Variants in HUWE1 observed in about 807,000 individuals in gnomAD.
HUWE1 encodes the protein E3 ubiquitin-protein ligase HUWE1.
In HUWE1, 18 loss-of-function variants were observed where a neutral mutation model predicts 299.4. The observed-to-expected ratio is 0.06, with a 90% CI of 0.04 to 0.09. The LOEUF is 0.09. Among genes scored for constraint, HUWE1 ranks in the 10% least tolerant of loss-of-function variants. The pLI is 1.00. For missense variants in HUWE1, 1,832 were observed against 3,462.3 expected (o/e 0.53, Z 11.82); for synonymous variants, 1,317 against 1,286.1 (o/e 1.02, Z -0.51).
chrX:53,574,228 T>C (rs184846404), intron 46 of HUWE1, among the ~76,000 whole-genome samples: 2 of 112,243 alleles, frequency 1.8e-5, no homozygotes, highest in East Asian at 5.6e-4. Flanking sequence ...AGAAACACTC[T>C]ACTAACAGTT....
chrX:53,663,560 T>C (rs781933747), intron 3 of HUWE1, among the ~76,000 whole-genome samples: 2 of 110,782 alleles, frequency 1.8e-5, no homozygotes, highest in African/African-American at 6.6e-5. Context: ...CAGAGAATTA[T>C]GGGGTCACTG....
chrX:53,535,729 G>C (rs782706907), intron 80 of HUWE1, among the ~76,000 whole-genome samples: 50 of 111,431 alleles, frequency 4.5e-4, no homozygotes, highest in Non-Finnish European at 7.9e-4. Flanking sequence ...CTACAAAAAA[G>C]GCAGAAGAGA....
Position 53,639,591 on chromosome X carries a change from C to T in HUWE1, c.505-5293G>A, listed in dbSNP as rs1337017386. On this transcript the variant is annotated intron_variant, in intron 7 of 83. Coordinates refer to ENST00000262854, the MANE Select transcript of HUWE1 (RefSeq NM_031407.7). Reference sequence around the variant, plus strand: ...AACTGAAGGACAAAAACACCCTCAACAGTCAATATAATATGAAGATAATAT... The same window carrying T: ...AACTGAAGGACAAAAACACCCTCAATAGTCAATATAATATGAAGATAATAT... Among the ~76,000 whole-genome samples the T allele has an allele frequency of 6.3e-5, 7 of 111,810 alleles. No individual in the cohort carries two copies. The South Asian group carries it at 1.5e-3, about 24-fold the overall frequency.
At chrX:53,639,508 T>A (rs1367932282) in intron 7 of HUWE1, among the ~76,000 whole-genome samples, 1 of 111,720 alleles carries the variant, frequency 9.0e-6, no homozygotes, top group African/African-American at 3.3e-5. Flanking sequence ...GACTTTAAAG[T>A]GATTTTTGAA....
chrX:53,623,566 T>C (rs1171870125), intron 19 of HUWE1, among the ~76,000 whole-genome samples: 1 of 111,360 alleles, frequency 9.0e-6, no homozygotes, highest in African/African-American at 3.3e-5. Flanking sequence ...CTTTTCCCTC[T>C]AAATTCAGGA....
In HUWE1 at chrX:53,549,074, C is replaced by G. The variant is rs148122817; in HGVS notation, c.9920G>C (p.Gly3307Ala). Reference sequence around the variant, plus strand: ...ATGCTTCTCGGTATGTTTACGCCCCCCTGAACGCTGGATCTGAAATATATT... The same window carrying G: ...ATGCTTCTCGGTATGTTTACGCCCCGCTGAACGCTGGATCTGAAATATATT... The part of the protein sequence containing the change: ...RTNIFQIQRS[G>A]GRKHTEKHAS... Residue 3307 changes from glycine to alanine, a missense_variant, in exon 67 of 84, where the codon GGG (glycine) becomes GCG (alanine). Gly to Ala is a moderately conservative substitution (Grantham distance 60, BLOSUM62 0). Transcript: ENST00000262854. 37 of 1,209,810 alleles carry G rather than the reference C, an allele frequency of 3.1e-5. No individual in the cohort carries two copies. The African/African-American group carries it at 4.0e-4, about 13-fold the overall frequency.
intron 6 of HUWE1, 69 bp downstream of exon 6, chrX:53,647,299 A>G (rs2068120320): frequency 1.3e-6 from 1 of 748,434 alleles, no homozygotes; most frequent in Non-Finnish European, 2.1e-6. Flanking sequence ...TAGAAATAGC[A>G]ATTTCCTTAT....
chrX:53,683,306 A>G (rs1175280998), intron 2 of HUWE1, among the ~76,000 whole-genome samples: 1 of 111,078 alleles, frequency 9.0e-6, no homozygotes, highest in African/African-American at 3.3e-5. Context: ...TACACCAGTG[A>G]CACTACTGCT....
intron 28 of HUWE1, among the ~76,000 whole-genome samples, 182 bp downstream of exon 28, chrX:53,602,382 C>T (rs1432934213): frequency 1.8e-4 from 19 of 103,231 alleles, no homozygotes; most frequent in African/African-American, 6.8e-4. Flanking sequence ...CTTTCAACTA[C>T]ATTTTCTAAA....
chrX:53,586,720 T>G, intron 38 of HUWE1, 62 bp downstream of exon 38: 1 of 1,195,827 alleles, frequency 8.4e-7, no homozygotes, highest in Non-Finnish European at 1.1e-6. Flanking sequence ...GAAGAGTGCC[T>G]GATTCAGGCC....
rs1556957375 is a variant in HUWE1, at chrX:53,575,232, A to G, written c.6031-11T>C. 8.5e-7 allele frequency: 1 copy of G among 1,177,120 alleles called. No homozygotes were observed. The highest frequency in any genetic ancestry group is 1.2e-6 in the Non-Finnish European group (1 of 865,541). On this transcript the variant is annotated splice_polypyrimidine_tract_variant and intron_variant, in intron 45 of 83. Coordinates refer to ENST00000262854, the MANE Select transcript of HUWE1 (RefSeq NM_031407.7). ...AGCAAAGACCTGACTCTGAAGAAGA[A>G]GAAAACTCCTGAGCTATTATGAATT...
intron 4 of HUWE1, among the ~76,000 whole-genome samples, chrX:53,650,329 C>T (rs2068372868): frequency 8.9e-6 from 1 of 111,847 alleles, no homozygotes; most frequent in Admixed American, 9.5e-5. Context: ...AAGGGATATC[C>T]CAATATTTCC....
Position 53,552,695 on chromosome X carries a change from G to A in HUWE1, c.8693C>T (p.Ala2898Val), listed in dbSNP as rs781924148. The A allele has an allele frequency of 6.6e-6, 8 of 1,211,617 alleles. No homozygotes were observed. Among genetic ancestry groups the A allele is most frequent in the South Asian group, 5.3e-5 (3 of 56,995 alleles). The change falls in exon 62 of 84, where the codon GCG (alanine) becomes GTG (valine). Residue 2898 changes from alanine to valine, a missense_variant. Physicochemically the swap from Ala to Val is moderately conservative, Grantham distance 64 (BLOSUM62 0). Coordinates refer to ENST00000262854, the MANE Select transcript of HUWE1 (RefSeq NM_031407.7). The part of the protein sequence containing the change: ...STPGDAPPAV[A>V]EVQGRSDGSG... ...CCCATCACTCCTGCCTTGCACTTCCGCCACAGCTGGTGGGGCATCCCCAGG... is the reference window on the plus strand; with the variant it reads ...CCCATCACTCCTGCCTTGCACTTCCACCACAGCTGGTGGGGCATCCCCAGG...
chrX:53,662,998 G>A (rs1421945325), intron 3 of HUWE1, among the ~76,000 whole-genome samples: 1 of 112,140 alleles, frequency 8.9e-6, no homozygotes, highest in Admixed American at 9.4e-5. Flanking sequence ...AGGCTAGTGA[G>A]GAAAGAGCAA....
At chrX:53,578,694 C>T (rs2063370957) in intron 43 of HUWE1, among the ~76,000 whole-genome samples, 2 of 81,616 alleles carry the variant, frequency 2.5e-5, no homozygotes, top group Non-Finnish European at 4.9e-5. Flanking sequence ...ATCAGCCCCC[C>T]GCCTGGCCAG....
rs1367242597 is a variant in HUWE1, at chrX:53,532,295, G to A, written c.*1014C>T. The A allele has an allele frequency of 9.0e-6, 1 of 110,906 alleles. No individual in the cohort carries two copies. The highest frequency in any genetic ancestry group is 1.9e-5 in the Non-Finnish European group (1 of 52,984). The allele number at this position is 110,906 out of a possible 1,213,427, so 9.1% of individuals were successfully genotyped here. A position where few individuals can be genotyped will look rare whatever the true frequency, so the allele number is the denominator to read the frequency against. On this transcript the variant is annotated 3_prime_UTR_variant, in exon 84 of 84. Coordinates refer to ENST00000262854, the MANE Select transcript of HUWE1 (RefSeq NM_031407.7). ...CAAAAATAGACAAACAAAAATAATG[G>A]TCTTCTGGCGACCTAGTTAAATTAC...
chrX:53,570,801 T>C (rs1321352920), intron 47 of HUWE1, among the ~76,000 whole-genome samples: 2 of 112,353 alleles, frequency 1.8e-5, no homozygotes, highest in African/African-American at 6.5e-5. Context: ...ACACTGCGAA[T>C]GTACTAAATG....
At chrX:53,668,127 GAAAC>G in intron 3 of HUWE1, among the ~76,000 whole-genome samples, 1 of 110,730 alleles carries the variant, frequency 9.0e-6, no homozygotes, top group Middle Eastern at 4.7e-3. Context: ...GGTTTGCAGA[GAAAC>G]AAGCAGCATC....
intron 46 of HUWE1, 71 bp downstream of exon 46, chrX:53,575,084 G>T: frequency 1.3e-6 from 1 of 766,765 alleles, no homozygotes. Flanking sequence ...CCCTGCACAG[G>T]ACACCTACAG....
Sources: gnomAD v4.1 joint callset for allele counts (sites outside exome capture counted in the v4.1 genomes callset) on GRCh38, gnomAD v4.1.1 for gene constraint, MANE v1.5 for transcripts, NCBI Gene and HGNC (gene_info 2026-07-23, HGNC 2026-07-21) for gene names.